Variants in CAST observed in about 807,000 individuals in gnomAD.
CAST encodes MIR583 host.
CAST carries 76 observed loss-of-function variants against 119.6 expected under a neutral mutation model. That is an observed-to-expected ratio of 0.64 (90% CI 0.53 to 0.77). CAST has a LOEUF of 0.77. Ranked by LOEUF, CAST falls within the 30% of genes least tolerant of loss-of-function variation. CAST has a pLI of 0.00. For synonymous variants in CAST, 319 were observed against 331.6 expected, an observed-to-expected ratio of 0.96 and a Z score of 0.41; for missense variants, 953 against 946.5, an observed-to-expected ratio of 1.01 and a Z score of -0.09.
chr5:96,028,970 A>G, the CAST span, among the ~76,000 whole-genome samples: 1 of 152,198 alleles, frequency 6.6e-6, no homozygotes, highest in African/African-American at 2.4e-5. Flanking sequence ...CTAGAAGTAC[A>G]TGCCATTTAT....
chr5:96,143,161 G>A, the CAST span, among the ~76,000 whole-genome samples: 1 of 152,152 alleles, frequency 6.6e-6, no homozygotes, highest in Admixed American at 6.5e-5. Flanking sequence ...GAAGTAATTG[G>A]ATGTATATAT....
chr5:96,537,861 AGG>A (rs1234122580), intron 1 of CAST, among the ~76,000 whole-genome samples: 2 of 152,064 alleles, frequency 1.3e-5, no homozygotes, highest in East Asian at 1.9e-4. Flanking sequence ...AATGTTTTTG[AGG>A]GGGGGAGCAA....
chr5:96,471,717 G>A, the CAST span, among the ~76,000 whole-genome samples: 1 of 151,084 alleles, frequency 6.6e-6, no homozygotes, highest in Admixed American at 6.6e-5. Flanking sequence ...TCTTTTGCCT[G>A]TTTAATTACC....
the CAST span, among the ~76,000 whole-genome samples, chr5:96,337,076 G>A: frequency 6.6e-6 from 1 of 152,030 alleles, no homozygotes; most frequent in Non-Finnish European, 1.5e-5. Context: ...AAAACATTTG[G>A]GCTTGCAATT....
chr5:96,680,424 G>T (rs539066300), intron 2 of CAST, among the ~76,000 whole-genome samples: 116 of 148,792 alleles, frequency 7.8e-4, no homozygotes, highest in African/African-American at 2.7e-3. Flanking sequence ...CCTCATCTAG[G>T]ATTCTAGCAC....
At chr5:96,456,206 C>G in the CAST span, among the ~76,000 whole-genome samples, 6 of 152,150 alleles carry the variant, frequency 3.9e-5, no homozygotes, top group Non-Finnish European at 8.8e-5. Flanking sequence ...TAGGACCAGA[C>G]GTTGATTTCT....
At chr5:96,564,222 T>A (rs967172063) in intron 1 of CAST, among the ~76,000 whole-genome samples, 2 of 152,258 alleles carry the variant, frequency 1.3e-5, no homozygotes, top group Non-Finnish European at 2.9e-5. Context: ...AATCCTTTTA[T>A]GCCCGACCAA....
At chr5:96,280,161 T>C in the CAST span, among the ~76,000 whole-genome samples, 1 of 152,154 alleles carries the variant, frequency 6.6e-6, no homozygotes, top group Non-Finnish European at 1.5e-5. Context: ...GAACAAGAGG[T>C]GATCTCGTAT....
At chr5:96,766,320 T>A (rs939946675) in intron 27 of CAST, among the ~76,000 whole-genome samples, 175 bp downstream of exon 27, 1 of 152,218 alleles carries the variant, frequency 6.6e-6, no homozygotes, top group Non-Finnish European at 1.5e-5. Context: ...TTTGAGCCAA[T>A]ATCATTATAT....
the CAST span, among the ~76,000 whole-genome samples, chr5:96,455,565 C>T: frequency 6.6e-6 from 1 of 152,206 alleles, no homozygotes; most frequent in Admixed American, 6.5e-5. Flanking sequence ...AGGGTCTTAG[C>T]TCCTGTTTAA....
Position 96,773,352 on chromosome 5 carries a change from A to G in CAST, c.*736A>G, listed in dbSNP as rs988872393. 1 of 153,388 alleles carries G rather than the reference A, an allele frequency of 6.5e-6. No homozygotes were observed. The highest frequency in any genetic ancestry group is 1.5e-5 in the Non-Finnish European group (1 of 68,008). The allele number at this position is 153,388 out of a possible 1,614,324, so 9.5% of individuals were successfully genotyped here. A position where few individuals can be genotyped will look rare whatever the true frequency, so the allele number is the denominator to read the frequency against. Reference sequence around the variant, plus strand: ...AGCAACAGAGCAAAATAAAGGTTAGATAAGTCCTTGTGTAGCAAATTTCGA... The same window carrying G: ...AGCAACAGAGCAAAATAAAGGTTAGGTAAGTCCTTGTGTAGCAAATTTCGA... On this transcript the variant is annotated 3_prime_UTR_variant, in exon 32 of 32. Transcript: ENST00000675179.
chr5:95,982,186 A>G, the CAST span, among the ~76,000 whole-genome samples: 1 of 152,034 alleles, frequency 6.6e-6, no homozygotes, highest in Non-Finnish European at 1.5e-5. Flanking sequence ...CTGTAATGCA[A>G]TATCAAAACC....
chr5:96,342,891 G>A, the CAST span, among the ~76,000 whole-genome samples: 5 of 152,190 alleles, frequency 3.3e-5, no homozygotes, highest in African/African-American at 1.2e-4. Flanking sequence ...TTTTGGTACC[G>A]CATAAGTTGA....
At chr5:96,308,523 G>A in the CAST span, among the ~76,000 whole-genome samples, 1 of 151,912 alleles carries the variant, frequency 6.6e-6, no homozygotes, top group Non-Finnish European at 1.5e-5. Flanking sequence ...ATCCTTTGCG[G>A]GAGAGGAGGC....
the CAST span, among the ~76,000 whole-genome samples, chr5:96,449,534 G>T: frequency 6.6e-6 from 1 of 152,146 alleles, no homozygotes; most frequent in Non-Finnish European, 1.5e-5. Context: ...ATTGGGAACC[G>T]CTGGTTTACA....
At chr5:96,002,659 G>A in the CAST span, among the ~76,000 whole-genome samples, 3 of 152,110 alleles carry the variant, frequency 2.0e-5, no homozygotes, top group Non-Finnish European at 4.4e-5. Context: ...TTCTCTGACT[G>A]AGAAACTCTC....
the CAST span, among the ~76,000 whole-genome samples, chr5:96,231,457 C>T: frequency 1.1e-4 from 16 of 151,986 alleles, no homozygotes; most frequent in Middle Eastern, 6.8e-3. Context: ...GAAAATAATG[C>T]GCTTAACCAG....
chr5:96,509,303 C>T, the CAST span, among the ~76,000 whole-genome samples: 2 of 152,288 alleles, frequency 1.3e-5, no homozygotes, highest in Non-Finnish European at 2.9e-5. Flanking sequence ...AGCACAACAA[C>T]GGAGGTGTCA....
intron 1 of CAST, among the ~76,000 whole-genome samples, chr5:96,599,071 A>G (rs1747101102): frequency 6.6e-6 from 1 of 152,238 alleles, no homozygotes; most frequent in Non-Finnish European, 1.5e-5. Context: ...CCAATTCCGT[A>G]GCATGGATAC....
Sources: gnomAD v4.1 joint callset for allele counts (sites outside exome capture counted in the v4.1 genomes callset) on GRCh38, gnomAD v4.1.1 for gene constraint, MANE v1.5 for transcripts, NCBI Gene and HGNC (gene_info 2026-07-23, HGNC 2026-07-21) for gene names.